UNC80: variants seen among roughly 807,000 people sequenced by gnomAD.
UNC80 encodes protein unc-80 homolog.
A neutral mutation model predicts 384.6 loss-of-function variants in UNC80; 164 were observed. That is an observed-to-expected ratio of 0.43 (90% confidence interval 0.38 to 0.49). The LOEUF (loss-of-function observed/expected upper bound fraction) is 0.49. Among genes scored for constraint, UNC80 ranks in the 20% least tolerant of loss-of-function variants. The probability of loss-of-function intolerance (pLI) is 0.00; values close to 1 mark genes in which losing one functional copy is unlikely to be tolerated. For synonymous variants in UNC80, 1,486 were observed against 1,527.8 expected, an observed-to-expected ratio of 0.97 and a Z score of 0.64; for missense variants, 3,330 against 4,143.0, an observed-to-expected ratio of 0.80 and a Z score of 5.39.
intron 21 of UNC80, among the ~76,000 whole-genome samples, chr2:209,842,703 A>C (rs965244442): frequency 6.6e-6 from 1 of 152,062 alleles, no homozygotes; most frequent in Non-Finnish European, 1.5e-5. Flanking sequence ...CTGCTGTTCT[A>C]TCCTTTATTA....
rs2093029810 is a variant in UNC80 at position 209,976,962 on chromosome 2, A to T, written c.8822A>T (p.His2941Leu). The T allele has an allele frequency of 2.0e-6, 3 of 1,532,576 alleles. No homozygotes were observed. The highest frequency in any genetic ancestry group is 2.7e-6 in the Non-Finnish European group (3 of 1,131,048). 94.9% of individuals were successfully genotyped at this position (1,532,576 alleles called of 1,614,324 possible). A position where few individuals can be genotyped will look rare whatever the true frequency, so the allele number is the denominator to read the frequency against. ...CATGAAGAGCTTTCCGCCCGGCAACATATTGCCGACCAGCTGGAGCGGCGC... is the reference window on the plus strand; with the variant it reads ...CATGAAGAGCTTTCCGCCCGGCAACTTATTGCCGACCAGCTGGAGCGGCGC... ...ENHEELSARQ[H>L]IADQLERRFI... The change falls in exon 58 of 65, where the codon CAT (histidine) becomes CTT (leucine). Residue 2941 changes from histidine to leucine, a missense_variant. By Grantham distance (99) the His-to-Leu change is moderately conservative (BLOSUM62 -3). Coordinates refer to ENST00000673920, the MANE Select transcript of UNC80 (RefSeq NM_001371986.1). This position sits in a 1 kb window ranked among gnomAD's most constrained non-coding sequence, Gnocchi z 4.3.
At chr2:209,933,654 TC>T (rs2091048107) in intron 38 of UNC80, among the ~76,000 whole-genome samples, 167 bp from the exon 39 acceptor site, 1 of 152,152 alleles carries the variant, frequency 6.6e-6, no homozygotes, top group Non-Finnish European at 1.5e-5. Context: ...TGGTCAGTTT[TC>T]CAGTTATGCC....
rs1365602217 is a variant in UNC80 at position 209,839,323 on chromosome 2, A to G, written c.3143A>G (p.Gln1048Arg). 1.0e-5 allele frequency: 16 copies of G among 1,551,700 alleles called. No individual in the cohort carries two copies. Among genetic ancestry groups the G allele is most frequent in the Non-Finnish European group, 1.4e-5 (16 of 1,147,036 alleles). ...AGTGACACCAGCAGCCAGTCTGAAC[A>G]GGACACTTCAGAATGCACGACTGCC... Reference protein sequence around the residue: ...AASDTSSQSEQDTSECTTAHS... With the variant: ...AASDTSSQSERDTSECTTAHS... Residue 1048 changes from glutamine (Q) to arginine (R), a missense_variant, in exon 19 of 65, where the codon CAG becomes CGG. Around this residue, in one of 8 missense-constraint regions of UNC80, gnomAD observed 801 missense variants for 950.8 expected, o/e 0.84. Transcript: ENST00000673920. The surrounding 1 kb of genome is among the most constrained non-coding windows in gnomAD (Gnocchi z 4.1).
chr2:209,979,407 A>C (rs1430472541), intron 59 of UNC80, among the ~76,000 whole-genome samples: 1 of 152,210 alleles, frequency 6.6e-6, no homozygotes, highest in Non-Finnish European at 1.5e-5. Flanking sequence ...ATTGGAACTT[A>C]AATGGCCTCA....
At position 209,973,253 on chromosome 2, in the gene UNC80, G is replaced by A. The variant is rs1319400928; in HGVS notation, c.8570G>A (p.Ser2857Asn). 2 of 1,551,530 alleles carry A rather than the reference G, an allele frequency of 1.3e-6. No individual in the cohort carries two copies. The highest frequency in any genetic ancestry group is 2.0e-5 in the Admixed American group (1 of 50,988). ...LRREGLAESTSQAAYLALKVI... is the reference protein window; with the variant it reads ...LRREGLAESTNQAAYLALKVI... ...AGGGAAGGGCTGGCTGAGTCCACCA[G>A]CCAAGCAGCATACTTGGGTTGGTAC... The change falls in exon 56 of 65, where the codon AGC becomes AAC. Residue 2857 changes from serine (S) to asparagine (N), a missense_variant. Transcript: ENST00000673920.
intron 36 of UNC80, among the ~76,000 whole-genome samples, chr2:209,927,227 T>A (rs2124960746): frequency 6.6e-6 from 1 of 152,338 alleles, no homozygotes; most frequent in African/African-American, 2.4e-5. Context: ...CCAGGAGCAT[T>A]GTTCGTGACC....
At chr2:209,852,387 ATGG>A (rs995391774) in intron 22 of UNC80, among the ~76,000 whole-genome samples, 35 of 152,040 alleles carry the variant, frequency 2.3e-4, no homozygotes, top group African/African-American at 8.2e-4. Flanking sequence ...ATAGGTGATG[ATGG>A]TGGTGGTGGT....
intron 56 of UNC80, among the ~76,000 whole-genome samples, chr2:209,974,927 ATTTGTTTG>A (rs781686424): frequency 2.0e-5 from 3 of 151,960 alleles, no homozygotes; most frequent in Non-Finnish European, 2.9e-5. Flanking sequence ...GTTGTTTTTT[ATTTGTTTG>A]TTTGTTTGTT....
chr2:209,833,342 G>A (rs995864141), intron 16 of UNC80, among the ~76,000 whole-genome samples: 1 of 151,174 alleles, frequency 6.6e-6, no homozygotes, highest in African/African-American at 2.4e-5. Flanking sequence ...GGGAAATGCT[G>A]GATCCAAAGC....
chr2:209,887,856 T>C (rs999245239), intron 25 of UNC80, among the ~76,000 whole-genome samples: 1 of 152,176 alleles, frequency 6.6e-6, no homozygotes, highest in African/African-American at 2.4e-5. Context: ...AGGCCTATGC[T>C]TTTGGAAGGT....
At chr2:209,969,298 T>G (rs373917138) in intron 52 of UNC80, 1 of 154,340 alleles carries the variant, frequency 6.5e-6, no homozygotes, top group African/African-American at 2.4e-5. Flanking sequence ...TTAAATAAAC[T>G]ATTTTCTTCT....
intron 2 of UNC80, 113 bp from the exon 3 acceptor site, chr2:209,775,775 TA>T: frequency 9.6e-7 from 1 of 1,037,452 alleles, no homozygotes; most frequent in South Asian, 1.8e-5. Context: ...TTGCATCTTT[TA>T]AGGGGTACAG....
chr2:209,917,752 C>T (rs971339436), intron 31 of UNC80, 25 bp from the exon 32 acceptor site: 1 of 1,550,878 alleles, frequency 6.4e-7, no homozygotes, highest in Non-Finnish European at 8.7e-7. Context: ...AAAAGCATAG[C>T]TGATGAATTG....
In UNC80 at chr2:209,829,265, G is replaced by A; in HGVS notation, c.2512G>A (p.Asp838Asn). 6.4e-7 allele frequency: 1 copy of A among 1,551,432 alleles called. No individual in the cohort carries two copies. Among genetic ancestry groups the A allele is most frequent in the Non-Finnish European group, 8.7e-7 (1 of 1,146,798 alleles). Residue 838 changes from aspartate (D) to asparagine (N), a missense_variant, in exon 15 of 65, where the codon GAT (aspartate) becomes AAT (asparagine). This residue lies in a region of UNC80 where 937 missense variants were observed against 1,026.8 expected (regional missense o/e 0.91). Transcript: ENST00000673920. The stretch of plus-strand genomic sequence containing the variant: ...CTGCCTCACTAAGCTATACAAGCTA[G>A]ATAAGATGCAGTTCCGACAAACCAT... ...QNCLTKLYKL[D>N]KMQFRQTMRD...
rs1448505173 is a variant in UNC80 at position 209,931,072 on chromosome 2, A to G, written c.5994+18A>G. 8.6e-6 allele frequency: 13 copies of G among 1,511,390 alleles called. No individual in the cohort carries two copies. The highest frequency in any genetic ancestry group is 2.8e-5 in the African/African-American group (2 of 71,988). The allele number at this position is 1,511,390 out of a possible 1,614,324, so 93.6% of individuals were successfully genotyped here. ...ACTATTTGGTGAGTTATAAATGTTCATTTCCAATTACGAAGCAGCACCATG... is the reference window on the plus strand; with the variant it reads ...ACTATTTGGTGAGTTATAAATGTTCGTTTCCAATTACGAAGCAGCACCATG... On this transcript the variant is annotated intron_variant, in intron 38 of 64. Coordinates refer to ENST00000673920, the MANE Select transcript of UNC80 (RefSeq NM_001371986.1).
intron 5 of UNC80, 79 bp downstream of exon 5, chr2:209,786,268 CCCCT>C: frequency 6.7e-7 from 1 of 1,489,722 alleles, no homozygotes; most frequent in Admixed American, 2.1e-5. Context: ...GGATAATTTG[CCCCT>C]AAGAAGTCAA....
At chr2:209,883,768 G>A (rs1020514894) in intron 25 of UNC80, among the ~76,000 whole-genome samples, 6 of 151,956 alleles carry the variant, frequency 3.9e-5, no homozygotes, top group Admixed American at 6.6e-5. Context: ...ACTATTTTAC[G>A]TACTTACTCA....
intron 22 of UNC80, among the ~76,000 whole-genome samples, chr2:209,864,873 G>C (rs1045325127): frequency 6.6e-6 from 1 of 152,218 alleles, no homozygotes; most frequent in Non-Finnish European, 1.5e-5. Context: ...AGTGCTGGTC[G>C]CTTCTCCCAC....
intron 41 of UNC80, 82 bp from the exon 42 acceptor site, chr2:209,937,447 A>T (rs2091326097): frequency 9.4e-7 from 1 of 1,061,036 alleles, no homozygotes; most frequent in Non-Finnish European, 1.4e-6. Flanking sequence ...CCTAGTGCTT[A>T]GATCTTTGGG....
Sources: allele counts gnomAD v4.1 joint callset (sites outside exome capture counted in the v4.1 genomes callset), GRCh38; gene constraint gnomAD v4.1.1; regional missense constraint gnomAD v4.1.1; non-coding constraint Gnocchi (gnomAD v3.1); transcripts MANE v1.5; gene names NCBI Gene and HGNC (gene_info 2026-07-23, HGNC 2026-07-21).